The following SNRPN variants were observed in gnomAD, a reference collection of about 807,000 sequenced individuals.
The protein encoded by SNRPN is small nuclear ribonucleoprotein-associated protein N.
In SNRPN, 7 loss-of-function variants were observed where a neutral mutation model predicts 25.2. The ratio of observed to expected loss-of-function variants is 0.28; its 90% CI spans 0.16 to 0.52. The LOEUF (loss-of-function observed/expected upper bound fraction) is 0.52. Ranked by LOEUF, SNRPN falls within the 20% of genes least tolerant of loss-of-function variation. The pLI, the probability that SNRPN is intolerant of heterozygous loss-of-function variation, is 0.96. For synonymous variants in SNRPN, 124 were observed against 110.6 expected (o/e 1.12, Z -0.76); for missense variants, 196 against 322.5 (o/e 0.61, Z 3.00).
In SNRPN at chr15:24,978,527, C is replaced by G. The variant is rs2077319910; in HGVS notation, c.*83C>G. 5.8e-6 allele frequency: 7 copies of G among 1,214,684 alleles called. No homozygotes were observed. In the South Asian group the frequency reaches 8.5e-5, roughly 15 times the overall value. 75.2% of individuals were successfully genotyped at this position (1,214,684 alleles called of 1,614,324 possible). A position where few individuals can be genotyped will look rare whatever the true frequency, so the allele number is the denominator to read the frequency against. On this transcript the variant is annotated 3_prime_UTR_variant, in exon 10 of 10. Transcript: ENST00000390687. ...GTAGAGTGTTTGTGAGCTTTTTGTT[C>G]CCTCATTCTGCATTAATAATAGCTA... is the stretch of plus-strand genomic sequence containing the variant.
chr15:24,855,956 G>A (rs546097498), upstream of SNRPN, among the ~76,000 whole-genome samples: 101 of 151,958 alleles, frequency 6.6e-4, no homozygotes, highest in Non-Finnish European at 1.0e-3. Context: ...TTTCCCTGTG[G>A]ATATATTTCT....
intron 1 of SNRPN, among the ~76,000 whole-genome samples, chr15:24,957,109 T>C (rs1226947243): frequency 6.6e-6 from 1 of 152,248 alleles, no homozygotes; most frequent in African/African-American, 2.4e-5. Flanking sequence ...CCTGTAGTCT[T>C]TGATTTCCAT....
intron 4 of SNRPN, 85 bp downstream of exon 4, chr15:24,974,541 T>A (rs2076840880): frequency 7.8e-7 from 1 of 1,281,830 alleles, no homozygotes. Context: ...TGATCTTGGG[T>A]TCTGAATGTT....
intron 2 of SNRPN, among the ~76,000 whole-genome samples, chr15:24,908,288 T>C (rs1402671049): frequency 6.6e-6 from 1 of 152,032 alleles, no homozygotes; most frequent in African/African-American, 2.4e-5. Flanking sequence ...CAATAACAAA[T>C]ACCTAAAAAT....
intron 7 of SNRPN, 102 bp from the exon 8 acceptor site, chr15:24,977,676 C>A (rs1021417190): frequency 5.3e-6 from 6 of 1,140,878 alleles, no homozygotes; most frequent in Non-Finnish European, 6.1e-6. Flanking sequence ...TACATTGCAA[C>A]AGTTGTTTGT....
At chr15:24,825,928 T>C (rs183099582) in intron 1 of SNRPN, among the ~76,000 whole-genome samples, 6 of 152,170 alleles carry the variant, frequency 3.9e-5, no homozygotes. Flanking sequence ...CAGACGCATA[T>C]ACCAACAAAT....
rs145322794 is a variant in SNRPN, at chr15:24,906,007, A to G, written c.-504-14004A>G. On this transcript the variant is annotated intron_variant, in intron 2 of 11. Coordinates refer to the SNRPN transcript ENST00000400097. Reference sequence around the variant, plus strand: ...GTTAACGAGTGAGACTCCTATAACAAAAGACATATTAATAAGAAAAAATAA... The same window carrying G: ...GTTAACGAGTGAGACTCCTATAACAGAAGACATATTAATAAGAAAAAATAA... Among the ~76,000 whole-genome samples the G allele has an allele frequency of 1.1e-3, 161 of 152,372 alleles. 1 individual carries two copies. In the East Asian group the frequency reaches 0.023, roughly 22 times the overall value.
chr15:24,912,171 T>C (rs2059258386), intron 2 of SNRPN, among the ~76,000 whole-genome samples: 1 of 152,176 alleles, frequency 6.6e-6, no homozygotes, highest in Non-Finnish European at 1.5e-5. Context: ...GTTTTTGCCA[T>C]GGGGTCGAGC....
chr15:24,929,588 T>C lies in SNRPN; in HGVS notation c.-391+9464T>C, dbSNP rs7168484. On this transcript the variant is annotated intron_variant, in intron 3 of 11. Coordinates refer to the SNRPN transcript ENST00000400097. This position sits in a 1 kb window ranked among gnomAD's most constrained non-coding sequence, Gnocchi z 5.3. ...CTCATGAGGGTGGCAGACTGTCTCC[T>C]TGAGTTCTGGGTGGCAGAAATGGCC... Among the ~76,000 whole-genome samples, 11,549 of 152,006 alleles carry C rather than the reference T, an allele frequency of 0.076. 1,324 individuals carry two copies. Among genetic ancestry groups the C allele is most frequent in the African/African-American group, 0.25 (10,556 of 41,418 alleles).
At chr15:24,825,636 T>C (rs576646430) in intron 1 of SNRPN, among the ~76,000 whole-genome samples, 44 of 152,224 alleles carry the variant, frequency 2.9e-4, no homozygotes, top group African/African-American at 1.0e-3. Flanking sequence ...CATGCCTACC[T>C]TACTGAACAT....
At position 24,880,757 on chromosome 15, in the gene SNRPN, TTTTTGAGACAGAGTCTTGC is replaced by T. The variant is rs200226380; in HGVS notation, c.-578-5757_-578-5739del. On this transcript the variant is annotated intron_variant, in intron 1 of 11. Transcript: ENST00000400097. ...CTTCATTTTAACACTTACGCCTTTT[TTTTTGAGACAGAGTCTTGC>T]TCTGTTGTCCAGGCTGGAGTGGAAT... Among the ~76,000 whole-genome samples the T allele has an allele frequency of 2.2e-4, 33 of 149,488 alleles. No homozygotes were observed. In the East Asian group the frequency reaches 3.5e-3, roughly 16 times the overall value.
chr15:24,909,898 G>A lies in SNRPN; in HGVS notation c.-504-10113G>A, dbSNP rs2059103942. On this transcript the variant is annotated intron_variant, in intron 2 of 11. Coordinates refer to the SNRPN transcript ENST00000400097. Reference sequence around the variant, plus strand: ...CACAGCGGCGCTGGGGCAGGGAGAAGGGGAAAGCTTTTTAATCTTCAGTGG... The same window carrying A: ...CACAGCGGCGCTGGGGCAGGGAGAAAGGGAAAGCTTTTTAATCTTCAGTGG... The A allele has an allele frequency of 4.8e-6, 3 of 629,802 alleles. No homozygotes were observed. The East Asian group carries it at 8.0e-5, about 17-fold the overall frequency. 39.0% of individuals were successfully genotyped at this position (629,802 alleles called of 1,614,324 possible). A position where few individuals can be genotyped will look rare whatever the true frequency, so the allele number is the denominator to read the frequency against.
At chr15:24,864,762 T>C (rs2054406103) in intron 1 of SNRPN, among the ~76,000 whole-genome samples, 1 of 152,086 alleles carries the variant, frequency 6.6e-6, no homozygotes, top group Admixed American at 6.6e-5. Flanking sequence ...GTTCAAAATG[T>C]TGTTTAATTT....
rs57929711 is a variant in SNRPN, at chr15:24,947,990, A to G, written c.-390-14124A>G. Reference sequence around the variant, plus strand: ...ACTTTAAGTTTTAGGGTACATGTGCACAATGTGCAGATTAGTTACATAGGT... The same window carrying G: ...ACTTTAAGTTTTAGGGTACATGTGCGCAATGTGCAGATTAGTTACATAGGT... On this transcript the variant is annotated intron_variant, in intron 3 of 11. Coordinates refer to the SNRPN transcript ENST00000400097. Among the ~76,000 whole-genome samples the G allele has an allele frequency of 4.7e-3, 718 of 152,100 alleles. 5 individuals carry two copies. Among genetic ancestry groups the G allele is most frequent in the African/African-American group, 0.016 (676 of 41,534 alleles).
chr15:24,918,968 T>C lies in SNRPN; in HGVS notation c.-504-1043T>C, dbSNP rs376293286. On this transcript the variant is annotated intron_variant, in intron 2 of 11. Transcript: ENST00000400097. ...ATATAACATAATATATATGCGCGCA[T>C]ATATATATAACATAATATATATGTG... is the stretch of plus-strand genomic sequence containing the variant. Among the ~76,000 whole-genome samples the C allele has an allele frequency of 8.8e-3, 390 of 44,416 alleles. 100 individuals are homozygous for C. The highest frequency in any genetic ancestry group is 0.013 in the Non-Finnish European group (277 of 21,664). The allele number at this position is 44,416 out of a possible 152,430, so 29.1% of individuals were successfully genotyped here.
upstream of SNRPN, among the ~76,000 whole-genome samples, chr15:24,854,492 G>T (rs74005377): frequency 0.028 from 4,248 of 152,282 alleles, 179 homozygotes; most frequent in African/African-American, 0.096. Context: ...TGGGTTGATT[G>T]CTCATATTTC....
intron 1 of SNRPN, among the ~76,000 whole-genome samples, chr15:24,827,966 A>G (rs1414722291): frequency 6.6e-6 from 1 of 152,066 alleles, no homozygotes; most frequent in East Asian, 1.9e-4. Context: ...TTATGGGACC[A>G]GCAACGTGCA....
chr15:24,890,089 C>G (rs2057549967), intron 2 of SNRPN, among the ~76,000 whole-genome samples: 1 of 151,590 alleles, frequency 6.6e-6, no homozygotes, highest in African/African-American at 2.4e-5. Flanking sequence ...TTGCGGTGCC[C>G]TGGCATACTG....
chr15:24,831,707 C>T (rs1258806871), intron 2 of SNRPN, among the ~76,000 whole-genome samples: 1 of 151,978 alleles, frequency 6.6e-6, no homozygotes, highest in Admixed American at 6.6e-5. Flanking sequence ...ATTCCGCTTA[C>T]ACATGGGTTC....
Sources: allele counts gnomAD v4.1 joint callset (sites outside exome capture counted in the v4.1 genomes callset), GRCh38; gene constraint gnomAD v4.1.1; non-coding constraint Gnocchi (gnomAD v3.1); transcripts MANE v1.5; gene names NCBI Gene and HGNC (gene_info 2026-07-23, HGNC 2026-07-21).